Variants in ENOX1 observed in about 807,000 individuals in gnomAD.
ENOX1 encodes the protein ecto-NOX disulfide-thiol exchanger 1, also known as candidate growth-related and time keeping constitutive hydroquinone (NADH) oxidase.
In ENOX1, 42 loss-of-function variants were observed where a neutral mutation model predicts 82.5. That is an observed-to-expected ratio of 0.51 (90% confidence interval 0.40 to 0.66). ENOX1 has a LOEUF of 0.66. Among genes scored for constraint, ENOX1 ranks in the 30% least tolerant of loss-of-function variants. The pLI, the probability that ENOX1 is intolerant of heterozygous loss-of-function variation, is 0.00. For missense variants in ENOX1, 608 were observed against 811.6 expected, an observed-to-expected ratio of 0.75 and a Z score of 3.05; for synonymous variants, 271 against 282.2, an observed-to-expected ratio of 0.96 and a Z score of 0.40.
chr13:43,543,913 CTTTTTTTTTTT>C (rs11324994), intron 2 of ENOX1: 2 of 97,422 alleles, frequency 2.1e-5, no homozygotes, highest in African/African-American at 4.0e-5. Flanking sequence ...TTTTCTTTTT[CTTTTTTTTTTT>C]TTTTTTTTTG....
chr13:43,413,719 TTATA>T (rs199605170), intron 3 of ENOX1, among the ~76,000 whole-genome samples: 1 of 144,162 alleles, frequency 6.9e-6, no homozygotes, highest in Admixed American at 6.9e-5. Flanking sequence ...TTATATATAT[TTATA>T]TATATATATT....
At chr13:43,362,061 T>C (rs1280623643) in intron 5 of ENOX1, among the ~76,000 whole-genome samples, 7 of 151,802 alleles carry the variant, frequency 4.6e-5, no homozygotes, top group Admixed American at 2.6e-4. Flanking sequence ...ATTAGCTATA[T>C]ACATTTCTGG....
At chr13:43,554,894 T>C (rs2079363525) in intron 2 of ENOX1, among the ~76,000 whole-genome samples, 1 of 152,230 alleles carries the variant, frequency 6.6e-6, no homozygotes, top group South Asian at 2.1e-4. Flanking sequence ...CCAGGTTTTT[T>C]GACCCCTAGC....
intron 2 of ENOX1, among the ~76,000 whole-genome samples, chr13:43,490,529 G>A (rs1001133596): frequency 2.0e-5 from 3 of 152,172 alleles, no homozygotes; most frequent in Non-Finnish European, 4.4e-5. Flanking sequence ...TGTTGGCAAT[G>A]TGATATTATT....
chr13:43,693,357 A>C (rs533012057), intron 1 of ENOX1, among the ~76,000 whole-genome samples: 42 of 152,330 alleles, frequency 2.8e-4, no homozygotes, highest in African/African-American at 9.6e-4. Context: ...TCACATGTCT[A>C]AAAAAGCTGC....
intron 1 of ENOX1, among the ~76,000 whole-genome samples, chr13:43,676,238 G>C (rs2085501876): frequency 6.6e-6 from 1 of 152,060 alleles, no homozygotes; most frequent in Admixed American, 6.6e-5. Flanking sequence ...AAAAACACTA[G>C]AACCAAAGAG....
At chr13:43,506,764 C>T (rs1001064140) in intron 2 of ENOX1, among the ~76,000 whole-genome samples, 2 of 144,716 alleles carry the variant, frequency 1.4e-5, no homozygotes, top group African/African-American at 5.0e-5. Flanking sequence ...CATGTTCTCA[C>T]TCATAGGTGG....
intron 5 of ENOX1, among the ~76,000 whole-genome samples, chr13:43,366,981 T>C (rs1420782698): frequency 6.6e-6 from 1 of 152,056 alleles, no homozygotes; most frequent in East Asian, 1.9e-4. Flanking sequence ...CTTATATAAA[T>C]ATGTTAGTAA....
chr13:43,649,782 A>G (rs1030745923), intron 2 of ENOX1, among the ~76,000 whole-genome samples: 5 of 135,626 alleles, frequency 3.7e-5, no homozygotes, highest in African/African-American at 7.3e-5. Flanking sequence ...AGTGCAAACC[A>G]AAAGTCCCTT....
chr13:43,733,470 G>T (rs1313439150), intron 1 of ENOX1, among the ~76,000 whole-genome samples: 1 of 152,134 alleles, frequency 6.6e-6, no homozygotes, highest in Non-Finnish European at 1.5e-5. Context: ...GCATCAAAAG[G>T]CATTAGAGTA....
intron 1 of ENOX1, among the ~76,000 whole-genome samples, chr13:43,675,290 G>C (rs1403191012): frequency 6.6e-6 from 1 of 152,140 alleles, no homozygotes; most frequent in Non-Finnish European, 1.5e-5. Context: ...AGGGGATAAA[G>C]AAGAAAGAGG....
chr13:43,429,990 T>G (rs758317209), intron 3 of ENOX1, among the ~76,000 whole-genome samples: 2 of 152,256 alleles, frequency 1.3e-5, no homozygotes, highest in Non-Finnish European at 2.9e-5. Context: ...TTTTATGCTT[T>G]CCACTAGTTT....
intron 1 of ENOX1, among the ~76,000 whole-genome samples, chr13:43,762,643 T>G (rs9533609): frequency 0.051 from 7,797 of 152,174 alleles, 230 homozygotes; most frequent in African/African-American, 0.071. Context: ...GTTAATAATC[T>G]GGGACAAGCA....
At chr13:43,216,378 C>T (rs2041483515) in intron 16 of ENOX1, among the ~76,000 whole-genome samples, 1 of 152,200 alleles carries the variant, frequency 6.6e-6, no homozygotes, top group South Asian at 2.1e-4. Flanking sequence ...CAGTGCCTGG[C>T]ACAAGTTCTC....
At chr13:43,309,463 A>C (rs1218507980) in intron 11 of ENOX1, among the ~76,000 whole-genome samples, 4 of 152,182 alleles carry the variant, frequency 2.6e-5, no homozygotes, top group African/African-American at 9.7e-5. Context: ...AGAGAGTATC[A>C]TAGTGAGCTT....
intron 14 of ENOX1, among the ~76,000 whole-genome samples, chr13:43,241,311 T>C (rs534078630): frequency 9.8e-5 from 15 of 152,340 alleles, no homozygotes; most frequent in South Asian, 8.3e-4. Flanking sequence ...GCCTGATAGA[T>C]GCAACATGCC....
rs550561765 is a variant in ENOX1 at position 43,372,011 on chromosome 13, T to C, written c.209-10559A>G. On this transcript the variant is annotated intron_variant, in intron 5 of 16. Transcript: ENST00000690772. ...AGGGTCCAACATGGCTCTTGGCATATAGTATCCTCTTCAACAAGTATCAGT... is the reference window on the plus strand; with the variant it reads ...AGGGTCCAACATGGCTCTTGGCATACAGTATCCTCTTCAACAAGTATCAGT... 2.6e-5 allele frequency among the ~76,000 whole-genome samples: 4 copies of C among 152,312 alleles called. No individual in the cohort carries two copies. The East Asian group carries it at 7.7e-4, about 29-fold the overall frequency.
At chr13:43,761,697 A>G (rs1742715755) in intron 1 of ENOX1, among the ~76,000 whole-genome samples, 2 of 152,148 alleles carry the variant, frequency 1.3e-5, no homozygotes, top group Admixed American at 1.3e-4. Context: ...TTTACTCAGG[A>G]TTCTTGGAAT....
At chr13:43,348,055 T>C (rs1219010875) in intron 8 of ENOX1, among the ~76,000 whole-genome samples, 1 of 152,222 alleles carries the variant, frequency 6.6e-6, no homozygotes, top group Non-Finnish European at 1.5e-5. Context: ...GAGCCCTCTT[T>C]GTTAAACAGC....
Sources: allele counts gnomAD v4.1 joint callset (sites outside exome capture counted in the v4.1 genomes callset), GRCh38; gene constraint gnomAD v4.1.1; transcripts MANE v1.5; gene names NCBI Gene and HGNC (gene_info 2026-07-23, HGNC 2026-07-21).